The following ANKS1A variants were observed in gnomAD, a reference collection of about 807,000 sequenced individuals.
The protein encoded by ANKS1A is ankyrin repeat and sterile alpha motif domain containing 1A, also known as ankyrin repeat and SAM domain-containing protein 1A.
ANKS1A carries 55 observed loss-of-function variants against 120.3 expected under a neutral mutation model. The ratio of observed to expected loss-of-function variants is 0.46; its 90% CI spans 0.37 to 0.57. The LOEUF (loss-of-function observed/expected upper bound fraction) is 0.57, where lower values mean the gene tolerates loss of function less well. Ranked by LOEUF, ANKS1A falls within the 20% of genes least tolerant of loss-of-function variation. The pLI, the probability that ANKS1A is intolerant of heterozygous loss-of-function variation, is 0.00. For missense variants in ANKS1A, 1,123 were observed against 1,480.3 expected (o/e 0.76, Z 3.96); for synonymous variants, 590 against 604.7 (o/e 0.98, Z 0.36).
intron 13 of ANKS1A, among the ~76,000 whole-genome samples, chr6:35,066,208 G>A (rs377406014): frequency 3.3e-5 from 5 of 152,322 alleles, no homozygotes; most frequent in South Asian, 4.1e-4. Context: ...GAGCAAAACC[G>A]CATGTAAGGA....
At chr6:35,069,626 G>C (rs965801105) in intron 13 of ANKS1A, among the ~76,000 whole-genome samples, 7 of 151,704 alleles carry the variant, frequency 4.6e-5, no homozygotes, top group Non-Finnish European at 1.0e-4. Context: ...CTGCAGCCCT[G>C]ACCCCCCAGG....
intron 11 of ANKS1A, among the ~76,000 whole-genome samples, chr6:35,031,330 C>G (rs1774899848): frequency 6.6e-6 from 1 of 152,186 alleles, no homozygotes; most frequent in South Asian, 2.1e-4. Flanking sequence ...TGCTCTGGGC[C>G]CATGAGACTT....
Position 35,078,606 on chromosome 6 carries a change from G to A in ANKS1A, c.2233G>A (p.Asp745Asn), listed in dbSNP as rs781719029. The change falls in exon 14 of 24, where the codon GAC becomes AAC. Residue 745 changes from aspartate to asparagine, a missense_variant. Physicochemically the swap from Asp to Asn is conservative, Grantham distance 23 (BLOSUM62 1). Coordinates refer to ENST00000360359, the MANE Select transcript of ANKS1A (RefSeq NM_015245.3). ...GGACCTGCGGGACATCGGCATCAGC[G>A]ACCCACAGCACCGGCGGAAGCTGCT... is the stretch of plus-strand genomic sequence containing the variant. ...EQDLRDIGIS[D>N]PQHRRKLLQA... 10 of 1,607,736 alleles carry A rather than the reference G, an allele frequency of 6.2e-6. No individual in the cohort carries two copies. The highest frequency in any genetic ancestry group is 1.3e-5 in the African/African-American group (1 of 74,890).
In ANKS1A at chr6:35,032,515, G is replaced by A. The variant is rs76425218; in HGVS notation, c.2010+14456G>A. On this transcript the variant is annotated intron_variant, in intron 11 of 23. Coordinates refer to ENST00000360359, the MANE Select transcript of ANKS1A (RefSeq NM_015245.3). ...GCCCTGCGGCTCCCCAGCCCCAAAC[G>A]GGTGCATAGAAAAAATGCAAGTCCT... is the stretch of plus-strand genomic sequence containing the variant. 3.4e-4 allele frequency among the ~76,000 whole-genome samples: 52 copies of A among 152,214 alleles called. No homozygotes were observed. The East Asian group carries it at 9.3e-3, about 27-fold the overall frequency.
At position 35,057,847 on chromosome 6, in the gene ANKS1A, T is replaced by C. The variant is rs1364489677; in HGVS notation, c.2078-2300T>C. ...GTAGGGGGGTCACTTACCTGTGGGC[T>C]ATGCCCTTTGGGTCTGGTCATTCCT... On this transcript the variant is annotated intron_variant, in intron 12 of 23. Coordinates refer to ENST00000360359, the MANE Select transcript of ANKS1A (RefSeq NM_015245.3). The surrounding 1 kb of genome is among the most constrained non-coding windows in gnomAD (Gnocchi z 4.1). 6.6e-6 allele frequency among the ~76,000 whole-genome samples: 1 copy of C among 152,264 alleles called. No homozygotes were observed. Among genetic ancestry groups the C allele is most frequent in the African/African-American group, 2.4e-5 (1 of 41,468 alleles).
intron 23 of ANKS1A, 22 bp from the exon 24 acceptor site, chr6:35,088,584 C>G (rs778810187): frequency 1.2e-6 from 2 of 1,614,176 alleles, no homozygotes; most frequent in Non-Finnish European, 1.7e-6. Flanking sequence ...CTTTCCTCCC[C>G]CCATTGTTTG....
intron 1 of ANKS1A, among the ~76,000 whole-genome samples, chr6:34,950,222 CTTTTTTTTTTTT>C (rs747865614): frequency 7.2e-5 from 7 of 97,536 alleles, no homozygotes; most frequent in African/African-American, 1.8e-4. Context: ...TCTTTTCTCT[CTTTTTTTTTTTT>C]TTTTTTTTTT....
At position 34,983,468 on chromosome 6, in the gene ANKS1A, A is replaced by T. The variant is rs558280564; in HGVS notation, c.1012+43A>T. 4.7e-5 allele frequency: 70 copies of T among 1,473,878 alleles called. No individual in the cohort carries two copies. The South Asian group carries it at 8.3e-4, about 18-fold the overall frequency. The allele number at this position is 1,473,878 out of a possible 1,614,324, so 91.3% of individuals were successfully genotyped here. A position where few individuals can be genotyped will look rare whatever the true frequency, so the allele number is the denominator to read the frequency against. The stretch of plus-strand genomic sequence containing the variant: ...TATGAGTAAAGGGGTGCTCAGCTTG[A>T]AAAGAGTTGAAAATTCGTGGGCAGA... On this transcript the variant is annotated intron_variant, in intron 7 of 23. Coordinates refer to ENST00000360359, the MANE Select transcript of ANKS1A (RefSeq NM_015245.3).
In ANKS1A at chr6:35,084,348, C is replaced by A; in HGVS notation, c.3132+90C>A. The A allele has an allele frequency of 1.3e-6, 2 of 1,501,748 alleles. No homozygotes were observed. The highest frequency in any genetic ancestry group is 1.3e-5 in the South Asian group (1 of 76,376). 93.0% of individuals were successfully genotyped at this position (1,501,748 alleles called of 1,614,324 possible). ...TTGCAGGGCACAGATGCGGCGCTGT[C>A]CTGGCCCCTGGCCAGTGCCTGGCAA... On this transcript the variant is annotated intron_variant, in intron 21 of 23. Transcript: ENST00000360359. This position sits in a 1 kb window ranked among gnomAD's most constrained non-coding sequence, Gnocchi z 4.8.
chr6:35,017,322 C>A (rs1057150688), intron 10 of ANKS1A, 151 bp from the exon 11 acceptor site: 61 of 735,224 alleles, frequency 8.3e-5, no homozygotes, highest in Non-Finnish European at 1.2e-4. Context: ...CCTCTCTCTT[C>A]TTCTCTCCTC....
At chr6:35,019,385 T>C (rs1369139258) in intron 11 of ANKS1A, among the ~76,000 whole-genome samples, 1 of 152,228 alleles carries the variant, frequency 6.6e-6, no homozygotes, top group African/African-American at 2.4e-5. Flanking sequence ...TGGAAAGTTA[T>C]GTAAACCAAA....
At chr6:34,998,120 G>A (rs1389670815) in intron 10 of ANKS1A, among the ~76,000 whole-genome samples, 1 of 152,170 alleles carries the variant, frequency 6.6e-6, no homozygotes, top group Non-Finnish European at 1.5e-5. Context: ...TGCCTATCCT[G>A]GCAGCCTGGC....
rs1214690664 is a variant in ANKS1A at position 34,974,115 on chromosome 6, T to C, written c.435+3949T>C. Among the ~76,000 whole-genome samples, 3 of 4,126 alleles carry C rather than the reference T, an allele frequency of 7.3e-4. 1 individual carries two copies. In the African/African-American group the frequency reaches 9.0e-3, roughly 12 times the overall value. 2.7% of individuals were successfully genotyped at this position (4,126 alleles called of 152,430 possible). A position where few individuals can be genotyped will look rare whatever the true frequency, so the allele number is the denominator to read the frequency against. On this transcript the variant is annotated intron_variant, in intron 3 of 23. Transcript: ENST00000360359. Reference sequence around the variant, plus strand: ...CCTTCCCCTTCCCCTTCCCCTTCCCTTCCCCTTCCCCTTCCTCTTCCCTTC... The same window carrying C: ...CCTTCCCCTTCCCCTTCCCCTTCCCCTCCCCTTCCCCTTCCTCTTCCCTTC...
In ANKS1A at chr6:34,982,143, A is replaced by T. The variant is rs1220788470; in HGVS notation, c.732+157A>T. Among the ~76,000 whole-genome samples the T allele has an allele frequency of 6.6e-6, 1 of 152,202 alleles. No homozygotes were observed. The highest frequency in any genetic ancestry group is 1.5e-5 in the Non-Finnish European group (1 of 68,030). ...GACTCATTCTAATGTGACACTAAGA[A>T]ACAAATGAACTCCTCAAGCAAGTCT... On this transcript the variant is annotated intron_variant, in intron 4 of 23. Transcript: ENST00000360359. This position sits in a 1 kb window ranked among gnomAD's most constrained non-coding sequence, Gnocchi z 4.9.
chr6:34,994,772 A>G (rs954587428), intron 10 of ANKS1A, among the ~76,000 whole-genome samples: 8 of 152,184 alleles, frequency 5.3e-5, no homozygotes, highest in African/African-American at 1.9e-4. Context: ...AAGCTCAACA[A>G]GTCAGTCCCT....
In ANKS1A at chr6:35,078,651, C is replaced by T; in HGVS notation, c.2278C>T (p.Pro760Ser). 6.2e-7 allele frequency: 1 copy of T among 1,601,654 alleles called. No individual in the cohort carries two copies. ...GCTGCTCCAGGCGGCACGCTCCCTACCCAAGGTGACCATCGCCGGCCCTGT... is the reference window on the plus strand; with the variant it reads ...GCTGCTCCAGGCGGCACGCTCCCTATCCAAGGTGACCATCGCCGGCCCTGT... Reference protein sequence around the residue: ...RKLLQAARSLPKVKALGYDGN... With the variant: ...RKLLQAARSLSKVKALGYDGN... Residue 760 changes from proline (P) to serine (S), a missense_variant, in exon 14 of 24, where the codon CCC becomes TCC. Pro to Ser is a moderately conservative substitution (Grantham distance 74). Transcript: ENST00000360359.
chr6:34,905,881 C>A (rs6905468), intron 1 of ANKS1A, among the ~76,000 whole-genome samples: 24,330 of 152,082 alleles, frequency 0.16, 2,578 homozygotes, highest in East Asian at 0.57. Flanking sequence ...TGGGGTCTGG[C>A]AAGTATCCAT....
Position 35,079,544 on chromosome 6 carries a change from G to C in ANKS1A, c.2312G>C (p.Ser771Thr). The stretch of plus-strand genomic sequence containing the variant: ...AAGGCTCTGGGTTATGACGGGAACA[G>C]CCCCCCTAGCGTGCCCTCCTGGCTG... The part of the protein sequence containing the change: ...KVKALGYDGN[S>T]PPSVPSWLDS... The change falls in exon 15 of 24, where the codon AGC becomes ACC. Residue 771 changes from serine to threonine, a missense_variant. Ser to Thr is a moderately conservative substitution (Grantham distance 58). Transcript: ENST00000360359. The C allele has an allele frequency of 9.3e-6, 15 of 1,613,718 alleles. No individual in the cohort carries two copies. Among genetic ancestry groups the C allele is most frequent in the Admixed American group, 1.7e-5 (1 of 59,996 alleles).
intron 8 of ANKS1A, among the ~76,000 whole-genome samples, chr6:34,987,667 G>A (rs372488253): frequency 2.0e-5 from 3 of 152,208 alleles, no homozygotes; most frequent in East Asian, 3.8e-4. Flanking sequence ...GGGAATGACC[G>A]ACTTATCAAG....
Sources: gnomAD v4.1 joint callset for allele counts (sites outside exome capture counted in the v4.1 genomes callset) on GRCh38, gnomAD v4.1.1 for gene constraint, Gnocchi (gnomAD v3.1) non-coding constraint, MANE v1.5 for transcripts, NCBI Gene and HGNC (gene_info 2026-07-23, HGNC 2026-07-21) for gene names.